Variants in DPH6 observed in about 807,000 individuals in gnomAD.
DPH6 encodes diphthine--ammonia ligase.
A neutral mutation model predicts 38.2 loss-of-function variants in DPH6; 33 were observed. The observed-to-expected ratio is 0.86, with a 90% CI of 0.65 to 1.15. The LOEUF is 1.15. DPH6 is among the 50% of genes most tolerant of loss of function. DPH6 has a pLI of 0.00. For synonymous variants in DPH6, 108 were observed against 103.0 expected, an observed-to-expected ratio of 1.05 and a Z score of -0.30; for missense variants, 325 against 320.0, an observed-to-expected ratio of 1.02 and a Z score of -0.12.
chr15:35,451,882 C>G (rs947828214), intron 4 of DPH6, among the ~76,000 whole-genome samples: 7 of 152,206 alleles, frequency 4.6e-5, no homozygotes, highest in African/African-American at 1.7e-4. Flanking sequence ...TGGTGGCGGG[C>G]GCCTGTGGTC....
chr15:35,421,478 C>T (rs185132758), intron 5 of DPH6, among the ~76,000 whole-genome samples: 2 of 152,212 alleles, frequency 1.3e-5, no homozygotes, highest in East Asian at 1.9e-4. Flanking sequence ...AGCTCAAATA[C>T]CCCTTTTTTG....
chr15:35,382,182 TC>T (rs1422845704), intron 6 of DPH6, among the ~76,000 whole-genome samples: 1 of 152,092 alleles, frequency 6.6e-6, no homozygotes, highest in Non-Finnish European at 1.5e-5. Flanking sequence ...ACGCCTGTAA[TC>T]CCAGCACTTT....
intron 3 of DPH6, among the ~76,000 whole-genome samples, chr15:35,464,395 CT>C (rs947899142): frequency 4.0e-5 from 6 of 151,886 alleles, no homozygotes; most frequent in Admixed American, 1.3e-4. Context: ...TTAGGAAATA[CT>C]TTTTTAAAAA....
chr15:35,337,071 G>T (rs1050718089), intron 3 of DPH6, among the ~76,000 whole-genome samples: 1 of 152,060 alleles, frequency 6.6e-6, no homozygotes, highest in Non-Finnish European at 1.5e-5. Context: ...GAATCCATCT[G>T]GTCCTGGACT....
chr15:35,284,287 A>G (rs536175199), intron 3 of DPH6, among the ~76,000 whole-genome samples: 1 of 152,324 alleles, frequency 6.6e-6, no homozygotes, highest in African/African-American at 2.4e-5. Context: ...ATATACAACA[A>G]GAAACCCTTC....
At chr15:35,254,675 G>C (rs1467101698) in intron 3 of DPH6, among the ~76,000 whole-genome samples, 1 of 152,116 alleles carries the variant, frequency 6.6e-6, no homozygotes, top group Admixed American at 6.5e-5. Flanking sequence ...GGTTTCATGC[G>C]CGTCCGTGTG....
chr15:35,433,877 A>G (rs973077935), intron 5 of DPH6, among the ~76,000 whole-genome samples: 1 of 152,198 alleles, frequency 6.6e-6, no homozygotes, highest in Admixed American at 6.5e-5. Context: ...GCCACAGTTG[A>G]AAACCATTGT....
At chr15:35,407,035 G>A (rs1361697611) in intron 6 of DPH6, among the ~76,000 whole-genome samples, 1 of 151,974 alleles carries the variant, frequency 6.6e-6, no homozygotes, top group African/African-American at 2.4e-5. Flanking sequence ...TTTCAGGAGT[G>A]AGTAGCCTCA....
intron 3 of DPH6, among the ~76,000 whole-genome samples, chr15:35,222,590 C>G (rs2140385559): frequency 6.6e-6 from 1 of 152,206 alleles, no homozygotes; most frequent in South Asian, 2.1e-4. Context: ...TCTTTTGAGT[C>G]TTTGACTAGC....
In DPH6 at chr15:35,388,437, C is replaced by T. The variant is rs193096539; in HGVS notation, c.568-6521G>A. 1.1e-4 allele frequency among the ~76,000 whole-genome samples: 17 copies of T among 152,248 alleles called. No homozygotes were observed. In the East Asian group the frequency reaches 3.3e-3, roughly 29 times the overall value. On this transcript the variant is annotated intron_variant, in intron 6 of 8. Coordinates refer to ENST00000256538, the MANE Select transcript of DPH6 (RefSeq NM_080650.4). ...GAATGGTACCAGCTCCTCCTTGTAT[C>T]TCTGGTAGAATTCAGCTGTGAATCC... is the stretch of plus-strand genomic sequence containing the variant.
intron 3 of DPH6, among the ~76,000 whole-genome samples, chr15:35,303,781 C>CT (rs1214616548): frequency 6.7e-6 from 1 of 150,352 alleles, no homozygotes; most frequent in East Asian, 2.0e-4. Context: ...ATATAGTCAT[C>CT]TTTTTTCCCC....
At chr15:35,307,951 A>G (rs1044937201) in intron 3 of DPH6, among the ~76,000 whole-genome samples, 3 of 152,176 alleles carry the variant, frequency 2.0e-5, no homozygotes, top group African/African-American at 7.2e-5. Context: ...CATGTCTGAA[A>G]TAACTGCACA....
intron 3 of DPH6, among the ~76,000 whole-genome samples, chr15:35,348,251 T>G (rs1313609445): frequency 6.6e-6 from 1 of 152,212 alleles, no homozygotes; most frequent in Non-Finnish European, 1.5e-5. Context: ...CATTTCCTTC[T>G]ATGTTTTCTA....
the DPH6 span, among the ~76,000 whole-genome samples, chr15:35,168,614 C>T: frequency 3.9e-5 from 6 of 152,114 alleles, no homozygotes; most frequent in East Asian, 1.9e-4. Context: ...ATTAGTATAA[C>T]GCACAGCTCA....
At chr15:35,479,043 A>G (rs567761953) in intron 3 of DPH6, among the ~76,000 whole-genome samples, 1 of 152,200 alleles carries the variant, frequency 6.6e-6, no homozygotes, top group East Asian at 1.9e-4. Flanking sequence ...CCATTTATAA[A>G]GCAGAACAGG....
chr15:35,300,360 G>A (rs762888076), intron 3 of DPH6, among the ~76,000 whole-genome samples: 2 of 152,176 alleles, frequency 1.3e-5, no homozygotes, highest in Non-Finnish European at 2.9e-5. Flanking sequence ...AAATCATGGA[G>A]GAGGCAGCCA....
At chr15:35,152,978 G>A in the DPH6 span, among the ~76,000 whole-genome samples, 13 of 152,306 alleles carry the variant, frequency 8.5e-5, no homozygotes, top group African/African-American at 3.1e-4. Flanking sequence ...AAAATATCAT[G>A]ATACAGGGGT....
At chr15:35,270,060 A>G (rs1287936393) in intron 3 of DPH6, among the ~76,000 whole-genome samples, 2 of 151,718 alleles carry the variant, frequency 1.3e-5, no homozygotes, top group South Asian at 2.1e-4. Flanking sequence ...CGGCCTCCCA[A>G]AGTGCTGGGA....
chr15:35,446,721 G>A (rs2053858755), intron 5 of DPH6, among the ~76,000 whole-genome samples: 1 of 152,032 alleles, frequency 6.6e-6, no homozygotes, highest in Non-Finnish European at 1.5e-5. Flanking sequence ...CTGTGCAGGG[G>A]GTTGGTGCTC....
Sources: gnomAD v4.1 joint callset for allele counts (sites outside exome capture counted in the v4.1 genomes callset) on GRCh38, gnomAD v4.1.1 for gene constraint, MANE v1.5 for transcripts, NCBI Gene and HGNC (gene_info 2026-07-23, HGNC 2026-07-21) for gene names.